Variants in CHD2 observed in about 807,000 individuals in gnomAD.
CHD2 encodes the protein chromodomain helicase DNA binding protein 2.
Under a neutral mutation model 243.9 loss-of-function variants are expected in CHD2, and 28 were observed. That is an observed-to-expected ratio of 0.11 (90% CI 0.09 to 0.16). The LOEUF is 0.16. Among genes scored for constraint, CHD2 ranks in the 10% least tolerant of loss-of-function variants. CHD2 has a pLI of 1.00. For missense variants in CHD2, 1,386 were observed against 2,209.8 expected (o/e 0.63, Z 7.47); for synonymous variants, 775 against 779.0 (o/e 0.99, Z 0.09).
intron 3 of CHD2, among the ~76,000 whole-genome samples, chr15:92,925,259 A>G (rs137870094): frequency 2.6e-4 from 40 of 152,296 alleles, no homozygotes; most frequent in Middle Eastern, 3.4e-3. Context: ...TTGGTTTTCT[A>G]TGTACACCTC....
intron 2 of CHD2, among the ~76,000 whole-genome samples, chr15:92,917,493 G>A (rs971879241): frequency 3.9e-5 from 6 of 152,258 alleles, no homozygotes; most frequent in South Asian, 2.1e-4. Context: ...CCCTGGAGGC[G>A]GAGGTTACGG....
intron 33 of CHD2, among the ~76,000 whole-genome samples, chr15:93,004,123 CAAAAA>C (rs982331625): frequency 2.7e-5 from 2 of 73,512 alleles, no homozygotes; most frequent in Non-Finnish European, 2.9e-5. Flanking sequence ...GAATCTGTCT[CAAAAA>C]AAAAAAAAAA....
intron 26 of CHD2, 27 bp downstream of exon 26, chr15:92,985,700 G>A (rs766356467): frequency 1.3e-5 from 20 of 1,594,202 alleles, no homozygotes; most frequent in Non-Finnish European, 1.4e-5. Context: ...TTCTCACTGA[G>A]CTTGTTTGAA....
At chr15:92,969,512 G>A (rs1223383741) in intron 17 of CHD2, among the ~76,000 whole-genome samples, 1 of 152,184 alleles carries the variant, frequency 6.6e-6, no homozygotes, top group Non-Finnish European at 1.5e-5. Flanking sequence ...TCAGAAGACT[G>A]GCCTCTTTCT....
At chr15:92,936,747 A>G (rs1596389926) in intron 5 of CHD2, among the ~76,000 whole-genome samples, 2 of 152,138 alleles carry the variant, frequency 1.3e-5, no homozygotes, top group African/African-American at 4.8e-5. Context: ...TCTACCCAGT[A>G]TCAGCATTAC....
At chr15:92,992,778 G>A in intron 27 of CHD2, 81 bp from the exon 28 acceptor site, 1 of 1,540,016 alleles carries the variant, frequency 6.5e-7, no homozygotes, top group East Asian at 2.3e-5. Context: ...AGAAGATTAT[G>A]TGAGGCCTAG....
chr15:92,962,318 T>C (rs894006638), intron 16 of CHD2, among the ~76,000 whole-genome samples: 6 of 152,166 alleles, frequency 3.9e-5, no homozygotes, highest in African/African-American at 1.2e-4. Context: ...TTTAAAGGTA[T>C]GTTTACTTCT....
At chr15:92,957,983 T>A (rs2053637942) in intron 16 of CHD2, among the ~76,000 whole-genome samples, 1 of 152,134 alleles carries the variant, frequency 6.6e-6, no homozygotes, top group Non-Finnish European at 1.5e-5. Context: ...CATGTCAGAG[T>A]CTGTCAGTAG....
chr15:92,935,082 C>T (rs1053360299), intron 5 of CHD2, among the ~76,000 whole-genome samples: 1 of 148,538 alleles, frequency 6.7e-6, no homozygotes, highest in African/African-American at 2.5e-5. Context: ...GTCACCTAGG[C>T]TGGAGTGCAG....
chr15:92,931,864 T>C (rs1442729012), intron 5 of CHD2, among the ~76,000 whole-genome samples: 1 of 74,384 alleles, frequency 1.3e-5, no homozygotes, highest in Non-Finnish European at 3.1e-5. Context: ...GCTGACGTAC[T>C]TTTTTTTTTT....
rs2053780628 is a variant in CHD2 at position 92,967,530 on chromosome 15, G to A, written c.2189+17G>A. The stretch of plus-strand genomic sequence containing the variant: ...GTATTACAAGTAAGTTCTTGTTTGG[G>A]TTAGGCCTGAAGGGGTTGAGATCAG... On this transcript the variant is annotated intron_variant, in intron 17 of 38. Coordinates refer to ENST00000394196, the MANE Select transcript of CHD2 (RefSeq NM_001271.4). 3 of 1,609,720 alleles carry A rather than the reference G, an allele frequency of 1.9e-6. No individual in the cohort carries two copies. Among genetic ancestry groups the A allele is most frequent in the South Asian group, 1.1e-5 (1 of 90,880 alleles).
Position 92,985,505 on chromosome 15 carries a change from C to T in CHD2, c.3245C>T (p.Thr1082Ile), listed in dbSNP as rs1473855043. Reference protein sequence around the residue: ...RIRSSTKKAQTNDSDSDTESK... With the variant: ...RIRSSTKKAQINDSDSDTESK... The stretch of plus-strand genomic sequence containing the variant: ...TGCCTCGATCTTTCTCAGGCTCAGA[C>T]AAATGACAGTGACTCTGACACTGAG... The change falls in exon 26 of 39, where the codon ACA (threonine) becomes ATA (isoleucine). Residue 1082 changes from threonine (T) to isoleucine (I), a missense_variant. Physicochemically the swap from Thr to Ile is moderately conservative, Grantham distance 89. Coordinates refer to ENST00000394196, the MANE Select transcript of CHD2 (RefSeq NM_001271.4). 1 of 1,611,712 alleles carries T rather than the reference C, an allele frequency of 6.2e-7. No homozygotes were observed.
At chr15:93,015,192 C>T (rs1284175384) in intron 37 of CHD2, among the ~76,000 whole-genome samples, 1 of 152,106 alleles carries the variant, frequency 6.6e-6, no homozygotes, top group East Asian at 1.9e-4. Context: ...GATTCTCGTC[C>T]CTCAGCCTCC....
chr15:92,900,997 C>T (rs1346046426), intron 1 of CHD2, among the ~76,000 whole-genome samples, 170 bp from the exon 2 acceptor site: 1 of 149,620 alleles, frequency 6.7e-6, no homozygotes, highest in East Asian at 1.9e-4. Context: ...TTCCACTGTT[C>T]GGTTTATCCT....
chr15:92,912,983 C>T (rs1167817320), intron 2 of CHD2, among the ~76,000 whole-genome samples: 2 of 152,170 alleles, frequency 1.3e-5, no homozygotes, highest in African/African-American at 4.8e-5. Context: ...TGTTCTCTTT[C>T]CCTTGCTTAA....
At chr15:92,987,773 G>A (rs924658677) in intron 26 of CHD2, among the ~76,000 whole-genome samples, 74 of 150,038 alleles carry the variant, frequency 4.9e-4, no homozygotes, top group African/African-American at 1.7e-3. Context: ...TATATGTCAT[G>A]TTTTTTTTGT....
At chr15:92,963,560 T>C (rs1161019960) in intron 16 of CHD2, among the ~76,000 whole-genome samples, 3 of 152,256 alleles carry the variant, frequency 2.0e-5, no homozygotes, top group Non-Finnish European at 4.4e-5. Flanking sequence ...CTTTCATATT[T>C]ATCCATATAT....
At chr15:92,976,770 G>A (rs2053915064) in intron 20 of CHD2, among the ~76,000 whole-genome samples, 1 of 151,424 alleles carries the variant, frequency 6.6e-6, no homozygotes, top group Admixed American at 6.6e-5. Flanking sequence ...GCATAGTATT[G>A]TGTGCTTGTA....
At chr15:92,902,921 T>C (rs2052550627) in intron 2 of CHD2, 1 of 152,212 alleles carries the variant, frequency 6.6e-6, no homozygotes, top group African/African-American at 2.4e-5. Flanking sequence ...GTTGGTATTC[T>C]TTCAGTATTT....
Sources: gnomAD v4.1 joint callset for allele counts (sites outside exome capture counted in the v4.1 genomes callset) on GRCh38, gnomAD v4.1.1 for gene constraint, MANE v1.5 for transcripts, NCBI Gene and HGNC (gene_info 2026-07-23, HGNC 2026-07-21) for gene names.